SULF1: variants seen among roughly 807,000 people sequenced by gnomAD.
SULF1 encodes the protein extracellular sulfatase Sulf-1.
A neutral mutation model predicts 110.5 loss-of-function variants in SULF1; 46 were observed. That is an observed-to-expected ratio of 0.42 (90% CI 0.33 to 0.53). The LOEUF (loss-of-function observed/expected upper bound fraction) is 0.53, where lower values mean the gene tolerates loss of function less well. Among genes scored for constraint, SULF1 ranks in the 20% least tolerant of loss-of-function variants. SULF1 has a pLI of 0.12. For synonymous variants in SULF1, 371 were observed against 387.1 expected, an observed-to-expected ratio of 0.96 and a Z score of 0.49; for missense variants, 941 against 1,094.2, an observed-to-expected ratio of 0.86 and a Z score of 1.98.
At chr8:69,601,562 G>A in intron 9 of SULF1, 92 bp from the exon 10 acceptor site, 1 of 1,140,912 alleles carries the variant, frequency 8.8e-7, no homozygotes, top group Non-Finnish European at 1.2e-6. Flanking sequence ...AAAATAACAG[G>A]AAAAAGATTT....
chr8:69,636,380 C>CA (rs1161985151), intron 19 of SULF1, among the ~76,000 whole-genome samples: 1 of 151,918 alleles, frequency 6.6e-6, no homozygotes, highest in East Asian at 1.9e-4. Flanking sequence ...ACTAAAAATA[C>CA]AAAAAAATTA....
At chr8:69,492,554 A>T (rs186281721), upstream of SULF1, among the ~76,000 whole-genome samples, 1 of 152,294 alleles carries the variant, frequency 6.6e-6, no homozygotes, top group Non-Finnish European at 1.5e-5. Context: ...TCGGGTGCTC[A>T]GGGAGCCGGA....
At chr8:69,657,773 T>G (rs1252053220) in intron 22 of SULF1, among the ~76,000 whole-genome samples, 1 of 152,212 alleles carries the variant, frequency 6.6e-6, no homozygotes, top group Admixed American at 6.5e-5. Context: ...CAAATGGTAC[T>G]TAGGCACAAC....
intron 3 of SULF1, among the ~76,000 whole-genome samples, chr8:69,551,140 G>A (rs1451667267): frequency 6.6e-6 from 1 of 152,198 alleles, no homozygotes. Flanking sequence ...GAACAGAATT[G>A]GTAAACTGAG....
chr8:69,470,962 C>T (rs145993908), intron 1 of SULF1, among the ~76,000 whole-genome samples: 196 of 152,270 alleles, frequency 1.3e-3, no homozygotes, highest in South Asian at 6.2e-3. Context: ...ATCATGTGCA[C>T]GGTTCCTTCT....
intron 3 of SULF1, among the ~76,000 whole-genome samples, chr8:69,551,637 C>T (rs192792296): frequency 6.6e-6 from 1 of 152,200 alleles, no homozygotes; most frequent in Non-Finnish European, 1.5e-5. Context: ...TGCTTAGCTG[C>T]TTCAGCCCAT....
At chr8:69,580,835 A>G (rs955089587) in intron 6 of SULF1, among the ~76,000 whole-genome samples, 2 of 152,318 alleles carry the variant, frequency 1.3e-5, no homozygotes, top group South Asian at 4.1e-4. Flanking sequence ...GAAAAATTAT[A>G]TCAAATAATG....
chr8:69,575,308 T>G (rs919679862), intron 5 of SULF1, among the ~76,000 whole-genome samples: 5 of 152,286 alleles, frequency 3.3e-5, no homozygotes, highest in African/African-American at 1.2e-4. Flanking sequence ...AATCGAATTA[T>G]AGCTCTTTCA....
chr8:69,650,393 A>C (rs1003496992), intron 22 of SULF1, among the ~76,000 whole-genome samples: 1 of 152,124 alleles, frequency 6.6e-6, no homozygotes, highest in Non-Finnish European at 1.5e-5. Context: ...GCACTTTGGA[A>C]GGCTGAGGTG....
intron 6 of SULF1, among the ~76,000 whole-genome samples, chr8:69,582,402 T>C (rs146446314): frequency 6.6e-6 from 1 of 152,316 alleles, no homozygotes; most frequent in Non-Finnish European, 1.5e-5. Flanking sequence ...CTAATGGTGA[T>C]GCTAATAACA....
intron 3 of SULF1, among the ~76,000 whole-genome samples, chr8:69,557,284 A>G (rs2150706894): frequency 6.6e-6 from 1 of 152,284 alleles, no homozygotes; most frequent in Non-Finnish European, 1.5e-5. Flanking sequence ...TAGTCCCTTT[A>G]GACACTTTGT....
intron 5 of SULF1, among the ~76,000 whole-genome samples, chr8:69,566,809 C>A (rs1053565739): frequency 9.9e-5 from 15 of 152,168 alleles, no homozygotes; most frequent in African/African-American, 3.6e-4. Flanking sequence ...GAGATCACAC[C>A]ATTGCACTCC....
intron 6 of SULF1, 115 bp downstream of exon 6, chr8:69,576,324 T>A: frequency 7.7e-7 from 1 of 1,302,160 alleles, no homozygotes; most frequent in Non-Finnish European, 1.1e-6. Flanking sequence ...AAGGATCAAG[T>A]GTTTTTAAAC....
intron 5 of SULF1, among the ~76,000 whole-genome samples, chr8:69,564,827 C>A (rs752212293): frequency 6.6e-6 from 1 of 152,220 alleles, no homozygotes; most frequent in Admixed American, 6.5e-5. Context: ...GTTCATAAGC[C>A]AAGGGCCAAT....
At chr8:69,475,670 T>C (rs1456431124) in intron 1 of SULF1, among the ~76,000 whole-genome samples, 1 of 152,172 alleles carries the variant, frequency 6.6e-6, no homozygotes, top group Non-Finnish European at 1.5e-5. Flanking sequence ...ATGGAACAAA[T>C]GTTTATCTGT....
At chr8:69,574,146 CTT>C (rs1250500320) in intron 5 of SULF1, among the ~76,000 whole-genome samples, 5 of 152,202 alleles carry the variant, frequency 3.3e-5, no homozygotes, top group African/African-American at 7.2e-5. Context: ...CTTACAAAGA[CTT>C]TTTTCTTAAC....
chr8:69,642,425 T>C, intron 22 of SULF1: 1 of 985,700 alleles, frequency 1.0e-6, no homozygotes, highest in Non-Finnish European at 1.2e-6. Context: ...TTTTCTATTT[T>C]CTCTTGTTCT....
At chr8:69,514,088 A>G (rs1220121969) in intron 3 of SULF1, among the ~76,000 whole-genome samples, 1 of 152,144 alleles carries the variant, frequency 6.6e-6, no homozygotes, top group Non-Finnish European at 1.5e-5. Flanking sequence ...CAGCACTGAG[A>G]TTGCTGACTG....
chr8:69,645,077 A>G (rs932377628), intron 22 of SULF1, among the ~76,000 whole-genome samples: 5 of 152,136 alleles, frequency 3.3e-5, no homozygotes, highest in African/African-American at 1.2e-4. Context: ...GAAAGTCGTT[A>G]GGGTATATGT....
Sources: gnomAD v4.1 joint callset for allele counts (sites outside exome capture counted in the v4.1 genomes callset) on GRCh38, gnomAD v4.1.1 for gene constraint, MANE v1.5 for transcripts, NCBI Gene and HGNC (gene_info 2026-07-23, HGNC 2026-07-21) for gene names.